HMCN2: variants seen among roughly 807,000 people sequenced by gnomAD.
The protein encoded by HMCN2 is hemicentin 2, also known as hemicentin-2.
In HMCN2, 325 loss-of-function variants were observed where a neutral mutation model predicts 377.5. The observed-to-expected ratio is 0.86, with a 90% confidence interval of 0.79 to 0.94. The LOEUF (loss-of-function observed/expected upper bound fraction) is 0.94, where lower values mean the gene tolerates loss of function less well. Ranked by LOEUF, HMCN2 falls within the 40% of genes least tolerant of loss-of-function variation. The pLI, the probability that HMCN2 is intolerant of heterozygous loss-of-function variation, is 0.00. For synonymous variants in HMCN2, 2,007 were observed against 2,046.8 expected, an observed-to-expected ratio of 0.98 and a Z score of 0.53; for missense variants, 4,543 against 4,725.3, an observed-to-expected ratio of 0.96 and a Z score of 1.13.
chr9:130,430,140 G>A (rs988299878), intron 94 of HMCN2, 144 bp from the exon 95 acceptor site: 8 of 697,632 alleles, frequency 1.1e-5, no homozygotes, highest in Non-Finnish European at 1.9e-5. Flanking sequence ...CGGGAGAGGG[G>A]GATGCAGCGT....
chr9:130,390,986 C>A lies in HMCN2; in HGVS notation c.9533C>A (p.Ala3178Glu). The A allele has an allele frequency of 6.1e-6, 6 of 987,068 alleles. No homozygotes were observed. Among genetic ancestry groups the A allele is most frequent in the Non-Finnish European group, 7.2e-6 (6 of 830,196 alleles). 61.1% of individuals were successfully genotyped at this position (987,068 alleles called of 1,614,324 possible). Reference sequence around the variant, plus strand: ...CCCCTCTGTCCCACAGAGAGCAGCGCGGTGCACGGTGTGGTCTCCCGGGGG... The same window carrying A: ...CCCCTCTGTCCCACAGAGAGCAGCGAGGTGCACGGTGTGGTCTCCCGGGGG... ...LKDRMPVESS[A>E]VHGVVSRGGR... Residue 3178 changes from alanine (A) to glutamate (E), a missense_variant, in exon 63 of 98, where the codon GCG (alanine) becomes GAG (glutamate). Transcript: ENST00000683500.
chr9:130,343,983 G>C (rs1839200837), intron 25 of HMCN2, among the ~76,000 whole-genome samples: 1 of 152,216 alleles, frequency 6.6e-6, no homozygotes, highest in Admixed American at 6.5e-5. Flanking sequence ...TGGTGTGTGT[G>C]GTGTGTGGGA....
intron 4 of HMCN2, among the ~76,000 whole-genome samples, chr9:130,293,453 T>G (rs1310969071): frequency 1.3e-5 from 2 of 151,926 alleles, no homozygotes; most frequent in Admixed American, 1.3e-4. Flanking sequence ...GGATGGACGC[T>G]CTTTGAGATA....
Position 130,430,268 on chromosome 9 carries a change from C to T in HMCN2, c.14327-16C>T. 2.0e-6 allele frequency: 3 copies of T among 1,524,966 alleles called. No homozygotes were observed. Among genetic ancestry groups the T allele is most frequent in the East Asian group, 4.9e-5 (2 of 40,684 alleles). The allele number at this position is 1,524,966 out of a possible 1,614,324, so 94.5% of individuals were successfully genotyped here. A position where few individuals can be genotyped will look rare whatever the true frequency, so the allele number is the denominator to read the frequency against. On this transcript the variant is annotated splice_polypyrimidine_tract_variant and intron_variant, in intron 94 of 97. Coordinates refer to ENST00000683500, the MANE Select transcript of HMCN2 (RefSeq NM_001291815.2). ...CTGGGCCACCTGTGCACACACCTGA[C>T]CCCACCCGTCTGCAGATGTCAATGA...
intron 62 of HMCN2, among the ~76,000 whole-genome samples, chr9:130,390,499 TGA>T (rs1842258552): frequency 6.6e-6 from 1 of 150,946 alleles, no homozygotes; most frequent in African/African-American, 2.4e-5. Context: ...GCTGGGGCCG[TGA>T]GAGATGGCTT....
chr9:130,427,391 C>G lies in HMCN2; in HGVS notation c.13942+16C>G. 6.4e-7 allele frequency: 1 copy of G among 1,550,576 alleles called. No individual in the cohort carries two copies. Among genetic ancestry groups the G allele is most frequent in the Non-Finnish European group, 8.7e-7 (1 of 1,146,976 alleles). Reference sequence around the variant, plus strand: ...TTTTGTGTGGGTGAGCGCCCCCAACCCTGGCATGGATGTGGGAGGCCTCTC... The same window carrying G: ...TTTTGTGTGGGTGAGCGCCCCCAACGCTGGCATGGATGTGGGAGGCCTCTC... On this transcript the variant is annotated intron_variant, in intron 91 of 97. Coordinates refer to ENST00000683500, the MANE Select transcript of HMCN2 (RefSeq NM_001291815.2).
intron 33 of HMCN2, 106 bp downstream of exon 33, chr9:130,355,960 T>A: frequency 1.1e-6 from 1 of 905,592 alleles, no homozygotes; most frequent in East Asian, 6.3e-5. Flanking sequence ...TTTCCAGGAG[T>A]AGGAAAGAGG....
At chr9:130,338,815 C>T (rs1838899580) in intron 23 of HMCN2, among the ~76,000 whole-genome samples, 2 of 152,242 alleles carry the variant, frequency 1.3e-5, no homozygotes, top group African/African-American at 4.8e-5. Flanking sequence ...AGAATGGCTT[C>T]CACTTTTTAA....
chr9:130,382,954 G>T (rs1841809932), intron 56 of HMCN2, 88 bp downstream of exon 56: 2 of 765,892 alleles, frequency 2.6e-6, no homozygotes, highest in South Asian at 1.2e-4. Flanking sequence ...GTCATTATCT[G>T]CAAATGAGGC....
chr9:130,417,918 TG>T (rs1207199186), intron 85 of HMCN2, among the ~76,000 whole-genome samples: 1 of 152,218 alleles, frequency 6.6e-6, no homozygotes, highest in Non-Finnish European at 1.5e-5. Context: ...TCACCAGCAC[TG>T]GGCCTTTCCC....
At chr9:130,412,748 T>C (rs1843497683) in intron 85 of HMCN2, among the ~76,000 whole-genome samples, 1 of 152,086 alleles carries the variant, frequency 6.6e-6, no homozygotes, top group African/African-American at 2.4e-5. Context: ...GACTAATTTT[T>C]GTAATTTTAG....
intron 77 of HMCN2, among the ~76,000 whole-genome samples, chr9:130,401,378 C>T (rs1265159295): frequency 6.6e-6 from 1 of 152,084 alleles, no homozygotes; most frequent in East Asian, 1.9e-4. Context: ...GGCTGGAGTG[C>T]AATGGAGCTA....
intron 1 of HMCN2, 130 bp downstream of exon 1, chr9:130,266,267 CG>C: frequency 8.4e-6 from 3 of 357,028 alleles, no homozygotes; most frequent in Non-Finnish European, 1.1e-5. Flanking sequence ...CGCGCCTTCT[CG>C]GCATATCCGC....
At chr9:130,306,693 A>C (rs1315193893) in intron 12 of HMCN2, 118 bp from the exon 13 acceptor site, 1 of 387,364 alleles carries the variant, frequency 2.6e-6, no homozygotes, top group Non-Finnish European at 5.5e-6. Context: ...ACAGGCCTAG[A>C]GCAAGCCATC....
At position 130,357,974 on chromosome 9, in the gene HMCN2, G is replaced by T; in HGVS notation, c.5566G>T (p.Gly1856Trp). 1.5e-6 allele frequency: 2 copies of T among 1,303,990 alleles called. No homozygotes were observed. The highest frequency in any genetic ancestry group is 2.0e-6 in the Non-Finnish European group (2 of 988,818). 80.8% of individuals were successfully genotyped at this position (1,303,990 alleles called of 1,614,324 possible). A position where few individuals can be genotyped will look rare whatever the true frequency, so the allele number is the denominator to read the frequency against. Residue 1856 changes from glycine to tryptophan, a missense_variant, in exon 35 of 98, where the codon GGG (glycine) becomes TGG (tryptophan). Gly to Trp is a radical substitution (Grantham distance 184). Around this residue, in one of 5 missense-constraint regions of HMCN2, gnomAD observed 1,032 missense variants for 1,285.1 expected, o/e 0.80. Coordinates refer to ENST00000683500, the MANE Select transcript of HMCN2 (RefSeq NM_001291815.2). ...WKDGVALAAF[G>W]GNLQIEKVDL... ...GGATGGTGTAGCCCTGGCAGCCTTT[G>T]GGGGGAACCTACAGGTATGTGCAGG...
Position 130,356,187 on chromosome 9 carries a change from A to G in HMCN2, c.5355A>G (p.Ser1785=), listed in dbSNP as rs2131544690. 2.3e-6 allele frequency: 3 copies of G among 1,303,148 alleles called. No homozygotes were observed. Among genetic ancestry groups the G allele is most frequent in the Non-Finnish European group, 3.0e-6 (3 of 988,816 alleles). The allele number at this position is 1,303,148 out of a possible 1,614,324, so 80.7% of individuals were successfully genotyped here. ...TTGACCATGTGGAGCTGGACCACTC[A>G]GGCCTCTTCGCCTGCCAGGCCACCA... ...LHIDHVELDH[S]GLFACQATNE... is the part of the protein sequence containing the mutation. Residue 1785 remains serine (S), a synonymous_variant, in exon 34 of 98, where the codon TCA becomes TCG. Transcript: ENST00000683500.
chr9:130,427,262 T>G, intron 90 of HMCN2, 51 bp from the exon 91 acceptor site: 1 of 1,538,700 alleles, frequency 6.5e-7, no homozygotes, highest in Non-Finnish European at 8.8e-7. Flanking sequence ...CAGGGCAGCC[T>G]TGGGAGAGGA....
intron 1 of HMCN2, among the ~76,000 whole-genome samples, chr9:130,269,465 G>T (rs782496994): frequency 4.1e-5 from 6 of 147,738 alleles, no homozygotes; most frequent in South Asian, 2.2e-4. Context: ...CACACCGAGT[G>T]GGGGGACGAC....
rs1185043746 is a variant in HMCN2, at chr9:130,394,260, G to A, written c.10502-125G>A. On this transcript the variant is annotated intron_variant, in intron 68 of 97. Coordinates refer to ENST00000683500, the MANE Select transcript of HMCN2 (RefSeq NM_001291815.2). This position sits in a 1 kb window ranked among gnomAD's most constrained non-coding sequence, Gnocchi z 5.1. ...TTCTTTCCACCAAACCTTGGTGGCA[G>A]ATGCAAGAACAAGGGCCACCAAAAT... is the stretch of plus-strand genomic sequence containing the variant. The A allele has an allele frequency of 3.2e-6, 2 of 629,818 alleles. No homozygotes were observed. Among genetic ancestry groups the A allele is most frequent in the South Asian group, 3.7e-5 (2 of 54,646 alleles). The allele number at this position is 629,818 out of a possible 1,614,324, so 39.0% of individuals were successfully genotyped here.
Sources: allele counts gnomAD v4.1 joint callset (sites outside exome capture counted in the v4.1 genomes callset), GRCh38; gene constraint gnomAD v4.1.1; regional missense constraint gnomAD v4.1.1; non-coding constraint Gnocchi (gnomAD v3.1); transcripts MANE v1.5; gene names NCBI Gene and HGNC (gene_info 2026-07-23, HGNC 2026-07-21).